ITFG1: variants seen among roughly 807,000 people sequenced by gnomAD.
ITFG1 encodes the protein T-cell immunomodulatory protein.
A neutral mutation model predicts 81.8 loss-of-function variants in ITFG1; 34 were observed. The ratio of observed to expected loss-of-function variants is 0.42; its 90% CI spans 0.32 to 0.55. ITFG1 has a LOEUF of 0.55. Among genes scored for constraint, ITFG1 ranks in the 20% least tolerant of loss-of-function variants. The pLI, the probability that ITFG1 is intolerant of heterozygous loss-of-function variation, is 0.17. For missense variants in ITFG1, 672 were observed against 755.4 expected, an observed-to-expected ratio of 0.89 and a Z score of 1.29; for synonymous variants, 285 against 270.6, an observed-to-expected ratio of 1.05 and a Z score of -0.52.
intron 6 of ITFG1, among the ~76,000 whole-genome samples, chr16:47,378,482 G>T (rs1234657433): frequency 6.6e-6 from 1 of 152,092 alleles, no homozygotes; most frequent in Non-Finnish European, 1.5e-5. Flanking sequence ...TTTTCCACTG[G>T]TGTTCTATTA....
chr16:47,185,930 C>A (rs563415538), intron 14 of ITFG1, among the ~76,000 whole-genome samples: 3 of 152,266 alleles, frequency 2.0e-5, no homozygotes, highest in Admixed American at 6.5e-5. Context: ...AAGGGGATAT[C>A]ACCACCGATC....
At chr16:47,242,683 A>T (rs972409686) in intron 12 of ITFG1, among the ~76,000 whole-genome samples, 8 of 152,180 alleles carry the variant, frequency 5.3e-5, no homozygotes, top group African/African-American at 1.9e-4. Context: ...TGGGTTGGTG[A>T]AGGTGTTAGG....
chr16:47,403,668 G>A (rs1350886597), intron 6 of ITFG1, among the ~76,000 whole-genome samples: 1 of 151,750 alleles, frequency 6.6e-6, no homozygotes. Context: ...CTTCAGAGAT[G>A]CATGTGCAAG....
intron 6 of ITFG1, among the ~76,000 whole-genome samples, chr16:47,378,579 T>C (rs1033937968): frequency 6.6e-6 from 1 of 152,216 alleles, no homozygotes; most frequent in Admixed American, 6.5e-5. Flanking sequence ...TAACACACAA[T>C]GCTGATTCTA....
chr16:47,311,138 G>T (rs759167104), intron 10 of ITFG1, 102 bp downstream of exon 10: 11 of 744,834 alleles, frequency 1.5e-5, no homozygotes, highest in Non-Finnish European at 2.3e-5. Flanking sequence ...TTATTTAAGA[G>T]ATTATAACAT....
At chr16:47,191,717 G>T (rs1288842373) in intron 14 of ITFG1, among the ~76,000 whole-genome samples, 1 of 152,098 alleles carries the variant, frequency 6.6e-6, no homozygotes, top group Non-Finnish European at 1.5e-5. Context: ...CACCATGCTG[G>T]CCAGGATGGT....
At chr16:47,459,632 G>A (rs961141825) in intron 1 of ITFG1, among the ~76,000 whole-genome samples, 1 of 152,186 alleles carries the variant, frequency 6.6e-6, no homozygotes, top group African/African-American at 2.4e-5. Flanking sequence ...ACATAATTAA[G>A]CATGTGAGCA....
Position 47,207,765 on chromosome 16 carries a change from T to C in ITFG1, c.1453+11103A>G, listed in dbSNP as rs572151598. On this transcript the variant is annotated intron_variant, in intron 14 of 17. Transcript: ENST00000320640. ...GACGTTAACTCACTACCTGGTATTT[T>C]CCCATTTTCTCTCTCCCCACCCTCC... Among the ~76,000 whole-genome samples, 11 of 152,298 alleles carry C rather than the reference T, an allele frequency of 7.2e-5. No homozygotes were observed. The South Asian group carries it at 2.1e-3, about 29-fold the overall frequency.
chr16:47,383,957 C>A (rs113161991), intron 6 of ITFG1, among the ~76,000 whole-genome samples: 17,993 of 152,162 alleles, frequency 0.12, 2,338 homozygotes, highest in African/African-American at 0.33. Flanking sequence ...AAGGACTTCC[C>A]AAAATTACAT....
chr16:47,451,442 A>G lies in ITFG1; in HGVS notation c.514T>C (p.Phe172Leu). 6.3e-7 allele frequency: 1 copy of G among 1,585,286 alleles called. No individual in the cohort carries two copies. The highest frequency in any genetic ancestry group is 8.7e-7 in the Non-Finnish European group (1 of 1,154,888). The change falls in exon 5 of 18, where the codon TTT becomes CTT. Residue 172 changes from phenylalanine to leucine, a missense_variant. Physicochemically the swap from Phe to Leu is conservative, Grantham distance 22 (BLOSUM62 0). Around this residue, in one of 3 missense-constraint regions of ITFG1, gnomAD observed 560 missense variants for 625.7 expected, o/e 0.90. Coordinates refer to ENST00000320640, the MANE Select transcript of ITFG1 (RefSeq NM_030790.5). ...TGGTTGGATTCATTTGTGATACCAA[A>G]AATATCAGGAATTAGATCACCATTG... ...DFNGDLIPDI[F>L]GITNESNQPQ...
intron 8 of ITFG1, among the ~76,000 whole-genome samples, chr16:47,356,054 G>A (rs1318111285): frequency 2.6e-5 from 4 of 152,162 alleles, no homozygotes; most frequent in African/African-American, 9.7e-5. Context: ...AGTGTATAGT[G>A]TTTAAGGTAA....
intron 8 of ITFG1, among the ~76,000 whole-genome samples, chr16:47,352,287 G>A (rs903519394): frequency 6.6e-6 from 1 of 152,074 alleles, no homozygotes; most frequent in African/African-American, 2.4e-5. Context: ...CAGAATGGGA[G>A]AAAAGTTTTG....
At chr16:47,173,410 C>T (rs1253458040) in intron 14 of ITFG1, among the ~76,000 whole-genome samples, 2 of 152,070 alleles carry the variant, frequency 1.3e-5, no homozygotes, top group Non-Finnish European at 2.9e-5. Context: ...ATTAGCCACT[C>T]AATATATTTT....
intron 14 of ITFG1, among the ~76,000 whole-genome samples, chr16:47,217,238 A>G (rs180998943): frequency 6.8e-4 from 104 of 152,364 alleles, no homozygotes; most frequent in Middle Eastern, 6.8e-3. Flanking sequence ...CATTCCTTAG[A>G]TAATCATCTA....
Position 47,183,568 on chromosome 16 carries a change from C to A in ITFG1, c.1454-20904G>T, listed in dbSNP as rs561782902. 2.8e-4 allele frequency among the ~76,000 whole-genome samples: 43 copies of A among 152,298 alleles called. No homozygotes were observed. The East Asian group carries it at 7.1e-3, about 25-fold the overall frequency. ...GCCGGGTACTCCAACAGACCTGCAG[C>A]TGAGGGTCCTGTCTGTTAGAAGGAA... On this transcript the variant is annotated intron_variant, in intron 14 of 17. Transcript: ENST00000320640.
intron 7 of ITFG1, among the ~76,000 whole-genome samples, chr16:47,374,293 C>T (rs1294415764): frequency 6.6e-6 from 1 of 152,006 alleles, no homozygotes; most frequent in African/African-American, 2.4e-5. Flanking sequence ...GAAGAAAAAC[C>T]CTTAGTCCCC....
rs775648164 is a variant in ITFG1, at chr16:47,375,947, G to A, written c.656-7C>T. ...AATGTCGTCAGGAATAAATCTAGAA[G>A]GAAAAATAATAAAAACGTAAAGTTT... On this transcript the variant is annotated splice_region_variant and splice_polypyrimidine_tract_variant and intron_variant, in intron 6 of 17. Coordinates refer to ENST00000320640, the MANE Select transcript of ITFG1 (RefSeq NM_030790.5). 1.3e-6 allele frequency: 2 copies of A among 1,584,620 alleles called. No homozygotes were observed. Among genetic ancestry groups the A allele is most frequent in the Non-Finnish European group, 1.7e-6 (2 of 1,157,146 alleles).
At chr16:47,394,446 A>G (rs1968569700) in intron 6 of ITFG1, among the ~76,000 whole-genome samples, 1 of 152,206 alleles carries the variant, frequency 6.6e-6, no homozygotes, top group Non-Finnish European at 1.5e-5. Flanking sequence ...TTCACTTTTT[A>G]AAGCTTTTTC....
chr16:47,218,943 A>T lies in ITFG1; in HGVS notation c.1378T>A (p.Phe460Ile). ...SNDCPRKITP[F>I]GVNQPGPYIM... is the part of the protein sequence containing the mutation. ...TAAGGTCCAGGTTGATTCACTCCAA[A>T]GGGCTGCAATAGAAAAAAAAAATAG... is the stretch of plus-strand genomic sequence containing the variant. Residue 460 changes from phenylalanine to isoleucine, a missense_variant, in exon 14 of 18, where the codon TTT (phenylalanine) becomes ATT (isoleucine). By Grantham distance (21) the Phe-to-Ile change is conservative. Transcript: ENST00000320640. 1.9e-6 allele frequency: 3 copies of T among 1,582,070 alleles called. No individual in the cohort carries two copies. The South Asian group carries it at 3.5e-5, about 18-fold the overall frequency.
Sources: gnomAD v4.1 joint callset for allele counts (sites outside exome capture counted in the v4.1 genomes callset) on GRCh38, gnomAD v4.1.1 for gene constraint, gnomAD v4.1.1 regional missense constraint, MANE v1.5 for transcripts, NCBI Gene and HGNC (gene_info 2026-07-23, HGNC 2026-07-21) for gene names.